The following SOX5 variants were observed in gnomAD, a reference collection of about 807,000 sequenced individuals.
SOX5 encodes the protein transcription factor SOX-5.
A neutral mutation model predicts 92.0 loss-of-function variants in SOX5; 9 were observed. That is an observed-to-expected ratio of 0.10 (90% CI 0.06 to 0.17). The LOEUF (loss-of-function observed/expected upper bound fraction) is 0.17, where lower values mean the gene tolerates loss of function less well. SOX5 is among the 10% of genes least tolerant of loss of function. The probability of loss-of-function intolerance (pLI) is 1.00; values close to 1 mark genes in which losing one functional copy is unlikely to be tolerated. For missense variants in SOX5, 642 were observed against 944.5 expected, an observed-to-expected ratio of 0.68 and a Z score of 4.20; for synonymous variants, 344 against 336.3, an observed-to-expected ratio of 1.02 and a Z score of -0.25.
chr12:24,484,961 C>A (rs899031094), intron 1 of SOX5, among the ~76,000 whole-genome samples: 4 of 151,998 alleles, frequency 2.6e-5, no homozygotes, highest in Non-Finnish European at 4.4e-5. Context: ...GTATTCAGAG[C>A]GGTCAGAAAC....
At chr12:23,866,290 G>T (rs1247610346) in intron 2 of SOX5, among the ~76,000 whole-genome samples, 2 of 152,086 alleles carry the variant, frequency 1.3e-5, no homozygotes, top group African/African-American at 4.8e-5. Flanking sequence ...TATGAAAAAA[G>T]ATTCTAATAT....
At chr12:23,656,839 G>A (rs1410989159) in intron 7 of SOX5, among the ~76,000 whole-genome samples, 4 of 151,756 alleles carry the variant, frequency 2.6e-5, no homozygotes, top group African/African-American at 9.7e-5. Context: ...AAAATTAATG[G>A]TAGTTACACC....
chr12:24,184,990 C>T (rs934551562), intron 4 of SOX5, among the ~76,000 whole-genome samples: 1 of 152,012 alleles, frequency 6.6e-6, no homozygotes, highest in East Asian at 1.9e-4. Context: ...TGTTTTGCTA[C>T]ATTTTGCAGA....
intron 3 of SOX5, among the ~76,000 whole-genome samples, chr12:23,782,910 G>T (rs1190906916): frequency 6.6e-6 from 1 of 152,018 alleles, no homozygotes; most frequent in Non-Finnish European, 1.5e-5. Context: ...AGATTTACAA[G>T]GTTATAAGCT....
chr12:24,202,438 A>G lies in SOX5; in HGVS notation c.-2+10905T>C, dbSNP rs374892574. Among the ~76,000 whole-genome samples the G allele has an allele frequency of 4.6e-5, 7 of 152,330 alleles. No individual in the cohort carries two copies. The East Asian group carries it at 1.3e-3, about 29-fold the overall frequency. On this transcript the variant is annotated intron_variant, in intron 4 of 4. Coordinates refer to the SOX5 transcript ENST00000446891. ...TACTCAGGTTCCCACAAATTAACATATTATAGAACCAATAATACAATCATC... is the reference window on the plus strand; with the variant it reads ...TACTCAGGTTCCCACAAATTAACATGTTATAGAACCAATAATACAATCATC...
At chr12:24,407,223 T>C (rs1416561903) in intron 1 of SOX5, among the ~76,000 whole-genome samples, 1 of 152,056 alleles carries the variant, frequency 6.6e-6, no homozygotes, top group African/African-American at 2.4e-5. Context: ...TCCTCGAAGA[T>C]AGATCGAGGT....
intron 2 of SOX5, among the ~76,000 whole-genome samples, chr12:24,304,800 C>T (rs1948389229): frequency 1.3e-5 from 2 of 152,126 alleles, no homozygotes; most frequent in Non-Finnish European, 1.5e-5. Context: ...TTGTTGATTC[C>T]GTGCCCCAAG....
At chr12:23,737,927 A>G (rs1337836024) in intron 5 of SOX5, among the ~76,000 whole-genome samples, 3 of 151,826 alleles carry the variant, frequency 2.0e-5, no homozygotes, top group Non-Finnish European at 4.4e-5. Context: ...ATATTCCCAT[A>G]GATAATACCC....
intron 4 of SOX5, among the ~76,000 whole-genome samples, chr12:23,970,519 T>C (rs1470831154): frequency 6.6e-6 from 1 of 152,018 alleles, no homozygotes; most frequent in Admixed American, 6.6e-5. Flanking sequence ...CTATTATATA[T>C]ACATATTTCA....
intron 4 of SOX5, among the ~76,000 whole-genome samples, chr12:24,056,057 T>C (rs1163119733): frequency 1.3e-5 from 2 of 152,242 alleles, no homozygotes; most frequent in Non-Finnish European, 2.9e-5. Flanking sequence ...TTAAACATCG[T>C]TGTGCCATGA....
intron 9 of SOX5, among the ~76,000 whole-genome samples, chr12:23,578,682 T>C (rs999512812): frequency 3.3e-5 from 5 of 152,136 alleles, no homozygotes; most frequent in African/African-American, 1.2e-4. Context: ...AGAATCCAGA[T>C]CTACTCTTGG....
intron 6 of SOX5, among the ~76,000 whole-genome samples, chr12:23,707,944 T>C (rs1199568175): frequency 6.6e-6 from 1 of 152,160 alleles, no homozygotes; most frequent in Non-Finnish European, 1.5e-5. Flanking sequence ...TTTTTAATTC[T>C]TTTCAACTGA....
intron 11 of SOX5, among the ~76,000 whole-genome samples, chr12:23,552,480 T>A (rs1430137360): frequency 6.6e-6 from 1 of 151,138 alleles, no homozygotes; most frequent in Non-Finnish European, 1.5e-5. Flanking sequence ...TTACACAGGA[T>A]CCTGAAAAAA....
chr12:24,519,058 C>A lies in SOX5; in HGVS notation c.-251+43271G>T, dbSNP rs146226200. ...AAAAAATCTTTATTTTGGGTACGTGCCTAGAAAATAATGCAGAGCTGAGAA... is the reference window on the plus strand; with the variant it reads ...AAAAAATCTTTATTTTGGGTACGTGACTAGAAAATAATGCAGAGCTGAGAA... On this transcript the variant is annotated intron_variant, in intron 1 of 4. Coordinates refer to the SOX5 transcript ENST00000446891. Among the ~76,000 whole-genome samples, 41 of 152,114 alleles carry A rather than the reference C, an allele frequency of 2.7e-4. 1 individual carries two copies. In the East Asian group the frequency reaches 7.3e-3, roughly 27 times the overall value.
chr12:23,657,321 C>T (rs1388010392), intron 7 of SOX5, among the ~76,000 whole-genome samples: 1 of 152,132 alleles, frequency 6.6e-6, no homozygotes. Context: ...ACTATTTTGG[C>T]CTTTTACAGC....
At chr12:23,674,419 C>T (rs577024822) in intron 6 of SOX5, among the ~76,000 whole-genome samples, 1 of 143,038 alleles carries the variant, frequency 7.0e-6, no homozygotes, top group African/African-American at 2.6e-5. Flanking sequence ...CTCTCTGCAA[C>T]CTCCGCCTCC....
At chr12:24,325,946 G>A (rs1950639918) in intron 2 of SOX5, among the ~76,000 whole-genome samples, 1 of 152,126 alleles carries the variant, frequency 6.6e-6, no homozygotes, top group Admixed American at 6.5e-5. Flanking sequence ...TCGGTACTTG[G>A]CATTTGCTAT....
In SOX5 at chr12:24,024,103, A is replaced by G. The variant is rs550430636; in HGVS notation, c.-1-128079T>C. Among the ~76,000 whole-genome samples the G allele has an allele frequency of 5.3e-5, 8 of 152,188 alleles. No homozygotes were observed. In the South Asian group the frequency reaches 1.7e-3, roughly 32 times the overall value. ...GCAGTCTCATGTTAGAAACTAATTTAGCCTAAGATAGGTTATTTTGAGGAG... is the reference window on the plus strand; with the variant it reads ...GCAGTCTCATGTTAGAAACTAATTTGGCCTAAGATAGGTTATTTTGAGGAG... On this transcript the variant is annotated intron_variant, in intron 4 of 4. Transcript: ENST00000446891.
At chr12:24,373,149 C>A (rs1319607197) in intron 1 of SOX5, among the ~76,000 whole-genome samples, 1 of 151,660 alleles carries the variant, frequency 6.6e-6, no homozygotes, top group Non-Finnish European at 1.5e-5. Flanking sequence ...ACTTGGAAAA[C>A]AACCATATGT....
Sources: allele counts gnomAD v4.1 joint callset (sites outside exome capture counted in the v4.1 genomes callset), GRCh38; gene constraint gnomAD v4.1.1; transcripts MANE v1.5; gene names NCBI Gene and HGNC (gene_info 2026-07-23, HGNC 2026-07-21).